Variants in PSD3 observed in about 807,000 individuals in gnomAD.
The protein encoded by PSD3 is pleckstrin and Sec7 domain containing 3.
Under a neutral mutation model 105.5 loss-of-function variants are expected in PSD3, and 49 were observed. That is an observed-to-expected ratio of 0.46 (90% confidence interval 0.37 to 0.59). PSD3 has a LOEUF of 0.59. Among genes scored for constraint, PSD3 ranks in the 20% least tolerant of loss-of-function variants. The probability of loss-of-function intolerance (pLI) is 0.00; values close to 1 mark genes in which losing one functional copy is unlikely to be tolerated. For synonymous variants in PSD3, 557 were observed against 457.8 expected, an observed-to-expected ratio of 1.22 and a Z score of -2.77; for missense variants, 1,561 against 1,263.8, an observed-to-expected ratio of 1.24 and a Z score of -3.57.
intron 9 of PSD3, among the ~76,000 whole-genome samples, chr8:18,698,600 C>A (rs957599021): frequency 6.6e-6 from 1 of 152,098 alleles, no homozygotes; most frequent in African/African-American, 2.4e-5. Flanking sequence ...AGAAGGAATA[C>A]AGCCCTGCCA....
At chr8:18,991,009 A>G (rs942509948) in intron 1 of PSD3, among the ~76,000 whole-genome samples, 3 of 152,162 alleles carry the variant, frequency 2.0e-5, no homozygotes, top group Non-Finnish European at 4.4e-5. Context: ...CAGCTAGCTG[A>G]TACTTCAGCC....
intron 4 of PSD3, among the ~76,000 whole-genome samples, chr8:18,812,653 AAG>A (rs1491565431): frequency 1.3e-5 from 2 of 152,168 alleles, no homozygotes; most frequent in Admixed American, 1.3e-4. Context: ...CAAGACATGA[AAG>A]ACCAAAGTTA....
rs188850630 is a variant in PSD3, at chr8:18,907,065, T to A, written c.130+28969A>T. ...AATGTATATGTATTTTAAGTATCATTACAAAATAGTCCAAAGGTTTTAAAA... is the reference window on the plus strand; with the variant it reads ...AATGTATATGTATTTTAAGTATCATAACAAAATAGTCCAAAGGTTTTAAAA... On this transcript the variant is annotated intron_variant, in intron 2 of 15. Coordinates refer to ENST00000327040, the MANE Select transcript of PSD3 (RefSeq NM_015310.4). Among the ~76,000 whole-genome samples the A allele has an allele frequency of 1.6e-4, 25 of 152,360 alleles. No individual in the cohort carries two copies. The East Asian group carries it at 4.8e-3, about 29-fold the overall frequency.
At chr8:18,937,946 G>A (rs1822258346) in intron 1 of PSD3, among the ~76,000 whole-genome samples, 1 of 152,140 alleles carries the variant, frequency 6.6e-6, no homozygotes, top group Non-Finnish European at 1.5e-5. Context: ...TGGAAGGATG[G>A]ATGAGGCTAC....
intron 12 of PSD3, 99 bp downstream of exon 12, chr8:18,600,265 T>A: frequency 8.9e-7 from 1 of 1,120,164 alleles, no homozygotes; most frequent in East Asian, 2.5e-5. Flanking sequence ...CTGCAGAAAG[T>A]GAAACCACAG....
At chr8:18,952,855 G>A (rs1372634949) in intron 1 of PSD3, among the ~76,000 whole-genome samples, 1 of 152,156 alleles carries the variant, frequency 6.6e-6, no homozygotes, top group Non-Finnish European at 1.5e-5. Context: ...TTATTGAGGA[G>A]ACGAGGTGAT....
chr8:18,752,612 CATATAATAT>C lies in PSD3; in HGVS notation c.2172+12828_2172+12836del, dbSNP rs1805678004. Among the ~76,000 whole-genome samples, 2 of 51,598 alleles carry C rather than the reference CATATAATAT, an allele frequency of 3.9e-5. 1 individual carries two copies. Among genetic ancestry groups the C allele is most frequent in the Non-Finnish European group, 6.9e-5 (2 of 29,150 alleles). The allele number at this position is 51,598 out of a possible 152,430, so 33.9% of individuals were successfully genotyped here. ...TATATATTATATATTATATATAATA[CATATAATAT>C]ATATTATATATAATATATATAATAT... On this transcript the variant is annotated intron_variant, in intron 9 of 15. Coordinates refer to ENST00000327040, the MANE Select transcript of PSD3 (RefSeq NM_015310.4).
chr8:18,676,579 T>G (rs1251131890), intron 9 of PSD3, among the ~76,000 whole-genome samples: 1 of 152,202 alleles, frequency 6.6e-6, no homozygotes, highest in Non-Finnish European at 1.5e-5. Flanking sequence ...TGTCCTATCC[T>G]GAGTAGGAAA....
chr8:18,602,206 A>T (rs745437308), intron 11 of PSD3, among the ~76,000 whole-genome samples: 50 of 152,156 alleles, frequency 3.3e-4, no homozygotes, highest in Non-Finnish European at 5.9e-4. Flanking sequence ...AAAAATCTAC[A>T]CATCTACGTT....
intron 11 of PSD3, among the ~76,000 whole-genome samples, chr8:18,609,106 T>C (rs1805070412): frequency 6.6e-6 from 1 of 152,218 alleles, no homozygotes; most frequent in South Asian, 2.1e-4. Flanking sequence ...AACATATTAA[T>C]CTTTACTTCC....
chr8:18,740,476 T>A (rs1216950008), intron 9 of PSD3, among the ~76,000 whole-genome samples: 2 of 152,174 alleles, frequency 1.3e-5, no homozygotes, highest in Non-Finnish European at 2.9e-5. Context: ...TCCTGTTCTC[T>A]AAGGGCCCTT....
rs545600473 is a variant in PSD3 at position 18,964,510 on chromosome 8, A to AT, written c.22-28369dup. On this transcript the variant is annotated intron_variant, in intron 1 of 15. Transcript: ENST00000327040. ...TGCTTTACTCCTTAAAACCTGGAGCATTTTTTTTTTTTACTTCAAAGATTG... is the reference window on the plus strand; with the variant it reads ...TGCTTTACTCCTTAAAACCTGGAGCATTTTTTTTTTTTTACTTCAAAGATTG... Among the ~76,000 whole-genome samples the AT allele has an allele frequency of 1.4e-3, 199 of 145,926 alleles. 1 individual carries two copies. Among genetic ancestry groups the AT allele is most frequent in the African/African-American group, 3.7e-3 (148 of 40,008 alleles).
Position 18,531,480 on chromosome 8 carries a change from T to C in PSD3, c.*4263A>G, listed in dbSNP as rs534135853. 40 of 152,352 alleles carry C rather than the reference T, an allele frequency of 2.6e-4. No individual in the cohort carries two copies. Among genetic ancestry groups the C allele is most frequent in the African/African-American group, 8.9e-4 (37 of 41,584 alleles). The allele number at this position is 152,352 out of a possible 1,614,324, so 9.4% of individuals were successfully genotyped here. A position where few individuals can be genotyped will look rare whatever the true frequency, so the allele number is the denominator to read the frequency against. ...AATCAGTGACAAAGCCCCTCTCTAT[T>C]GCTATCAATAATCTATCACGGGGTT... On this transcript the variant is annotated 3_prime_UTR_variant, in exon 16 of 16. Coordinates refer to ENST00000327040, the MANE Select transcript of PSD3 (RefSeq NM_015310.4).
intron 15 of PSD3, among the ~76,000 whole-genome samples, chr8:18,538,633 A>C (rs1018818633): frequency 1.3e-5 from 2 of 152,200 alleles, no homozygotes; most frequent in Non-Finnish European, 2.9e-5. Context: ...ATGAAAAGAG[A>C]ATGAAGAAAA....
At chr8:18,873,692 A>G (rs1817540187) in intron 2 of PSD3, among the ~76,000 whole-genome samples, 1 of 152,000 alleles carries the variant, frequency 6.6e-6, no homozygotes, top group Non-Finnish European at 1.5e-5. Flanking sequence ...CCTCCTACCT[A>G]TCTGCAATTT....
At chr8:18,885,829 C>A (rs1027615058) in intron 2 of PSD3, among the ~76,000 whole-genome samples, 1 of 152,304 alleles carries the variant, frequency 6.6e-6, no homozygotes, top group East Asian at 1.9e-4. Context: ...AAAAGCGACA[C>A]TTTTAACAAA....
intron 8 of PSD3, among the ~76,000 whole-genome samples, chr8:18,766,887 A>G (rs1042944810): frequency 1.3e-5 from 2 of 152,212 alleles, no homozygotes; most frequent in Admixed American, 6.5e-5. Flanking sequence ...AACCTTCAGG[A>G]GCTGGAATCT....
In PSD3 at chr8:18,572,504, T is replaced by C. The variant is rs923390; in HGVS notation, c.2784+24A>G. 177 of 1,608,386 alleles carry C rather than the reference T, an allele frequency of 1.1e-4. No homozygotes were observed. In the African/African-American group the frequency reaches 2.1e-3, roughly 19 times the overall value. ...TTTTACAAAGTACTTTTTCCCAAGG[T>C]CAAAGCACTATCAAGATGATTACCT... is the stretch of plus-strand genomic sequence containing the variant. On this transcript the variant is annotated intron_variant, in intron 14 of 15. Transcript: ENST00000327040.
intron 9 of PSD3, among the ~76,000 whole-genome samples, chr8:18,656,865 A>T (rs1395995169): frequency 2.6e-5 from 4 of 152,212 alleles, no homozygotes; most frequent in Non-Finnish European, 5.9e-5. Context: ...GACTACAGGC[A>T]TATGCCACAG....
Sources: allele counts gnomAD v4.1 joint callset (sites outside exome capture counted in the v4.1 genomes callset), GRCh38; gene constraint gnomAD v4.1.1; transcripts MANE v1.5; gene names NCBI Gene and HGNC (gene_info 2026-07-23, HGNC 2026-07-21).